Variants in R3HDM1 observed in about 807,000 individuals in gnomAD.
R3HDM1 encodes the protein R3H domain-containing protein 1.
Under a neutral mutation model 141.1 loss-of-function variants are expected in R3HDM1, and 46 were observed. That is an observed-to-expected ratio of 0.33 (90% CI 0.26 to 0.42). The LOEUF is 0.42. Ranked by LOEUF, R3HDM1 falls within the 10% of genes least tolerant of loss-of-function variation. The probability of loss-of-function intolerance (pLI) is 1.00; values close to 1 mark genes in which losing one functional copy is unlikely to be tolerated. For synonymous variants in R3HDM1, 435 were observed against 472.9 expected (o/e 0.92, Z 1.04); for missense variants, 1,184 against 1,368.3 (o/e 0.87, Z 2.12).
chr2:135,552,963 C>A (rs1700096228), intron 1 of R3HDM1, among the ~76,000 whole-genome samples: 1 of 152,048 alleles, frequency 6.6e-6, no homozygotes, highest in Admixed American at 6.5e-5. Context: ...ACTGCAGCCT[C>A]ACCCTCTTGG....
chr2:135,580,663 C>T (rs1706607079), intron 1 of R3HDM1, among the ~76,000 whole-genome samples: 1 of 152,202 alleles, frequency 6.6e-6, no homozygotes, highest in South Asian at 2.1e-4. Flanking sequence ...AGCTCTTAAA[C>T]TTCACTCACA....
At chr2:135,650,637 T>C (rs771261016) in intron 17 of R3HDM1, 15 of 982,506 alleles carry the variant, frequency 1.5e-5, no homozygotes, top group Non-Finnish European at 1.8e-5. Context: ...AGTTCATAGG[T>C]ACATTTTTTT....
intron 15 of R3HDM1, among the ~76,000 whole-genome samples, chr2:135,643,042 C>G (rs2063971466): frequency 6.6e-6 from 1 of 152,030 alleles, no homozygotes; most frequent in Non-Finnish European, 1.5e-5. Context: ...ATGAAAGATT[C>G]ATTTGCTTAG....
intron 1 of R3HDM1, among the ~76,000 whole-genome samples, chr2:135,549,510 G>A (rs544756345): frequency 2.7e-4 from 38 of 139,584 alleles, no homozygotes; most frequent in Non-Finnish European, 4.5e-4. Flanking sequence ...GCAGTAAGCC[G>A]ACATTGCGCC....
In R3HDM1 at chr2:135,569,596, T is replaced by C. The variant is rs185699980; in HGVS notation, c.-249-32904T>C. On this transcript the variant is annotated intron_variant, in intron 1 of 26. Transcript: ENST00000683871. ...GATACTAGACTCTACCGCTCACTGGTTGTGTGACCTTAAACAAGTTAGTTA... is the reference window on the plus strand; with the variant it reads ...GATACTAGACTCTACCGCTCACTGGCTGTGTGACCTTAAACAAGTTAGTTA... Among the ~76,000 whole-genome samples the C allele has an allele frequency of 2.6e-5, 4 of 152,292 alleles. No homozygotes were observed. The East Asian group carries it at 7.7e-4, about 29-fold the overall frequency.
intron 1 of R3HDM1, among the ~76,000 whole-genome samples, chr2:135,557,064 T>C (rs1041075540): frequency 6.6e-6 from 1 of 152,176 alleles, no homozygotes; most frequent in East Asian, 1.9e-4. Context: ...GAGCATAAGA[T>C]GAAGACTGAA....
At position 135,641,713 on chromosome 2, in the gene R3HDM1, C is replaced by T; in HGVS notation, c.1397C>T (p.Pro466Leu). Reference sequence around the variant, plus strand: ...GGCCTAAATGGGCAAGTCGCATCTCCTAGCACTAGCTTCTTTTTGCTTCCC... The same window carrying T: ...GGCCTAAATGGGCAAGTCGCATCTCTTAGCACTAGCTTCTTTTTGCTTCCC... ...DGGLNGQVASPSTSFFLLPLE... is the reference protein window; with the variant it reads ...DGGLNGQVASLSTSFFLLPLE... The change falls in exon 15 of 27, where the codon CCT becomes CTT. Residue 466 changes from proline to leucine, a missense_variant. Transcript: ENST00000683871. 6.2e-7 allele frequency: 1 copy of T among 1,614,180 alleles called. No homozygotes were observed. Among genetic ancestry groups the T allele is most frequent in the African/African-American group, 1.3e-5 (1 of 75,050 alleles).
At chr2:135,675,260 C>A in intron 19 of R3HDM1, 72 bp from the exon 20 acceptor site, 1 of 1,412,228 alleles carries the variant, frequency 7.1e-7, no homozygotes. Context: ...AAAGTACTCG[C>A]TTAAATTTTT....
At chr2:135,620,764 T>A in intron 5 of R3HDM1, 1 of 486,540 alleles carries the variant, frequency 2.1e-6, no homozygotes, top group Non-Finnish European at 2.7e-6. Context: ...CTGTGTGGAT[T>A]AATTTCTAGT....
chr2:135,663,286 A>G (rs564549705), intron 19 of R3HDM1, among the ~76,000 whole-genome samples: 8 of 152,198 alleles, frequency 5.3e-5, no homozygotes, highest in Non-Finnish European at 1.2e-4. Context: ...TTATGATGAG[A>G]AGGAGGAAAC....
chr2:135,534,594 T>G (rs972393920), intron 1 of R3HDM1, among the ~76,000 whole-genome samples: 1 of 152,238 alleles, frequency 6.6e-6, no homozygotes, highest in Non-Finnish European at 1.5e-5. Flanking sequence ...ATGAAGTCTT[T>G]CTGACAGGAA....
At chr2:135,676,437 C>A (rs1004280455) in intron 20 of R3HDM1, among the ~76,000 whole-genome samples, 1 of 152,006 alleles carries the variant, frequency 6.6e-6, no homozygotes, top group Non-Finnish European at 1.5e-5. Flanking sequence ...TTTGTTTTAC[C>A]TTTATATTTA....
At chr2:135,597,448 G>A (rs972113590) in intron 1 of R3HDM1, among the ~76,000 whole-genome samples, 1 of 152,204 alleles carries the variant, frequency 6.6e-6, no homozygotes, top group Non-Finnish European at 1.5e-5. Flanking sequence ...GACTGCAAAT[G>A]TGAATTTCCA....
At chr2:135,628,326 A>G (rs1457092569) in intron 7 of R3HDM1, among the ~76,000 whole-genome samples, 2 of 152,212 alleles carry the variant, frequency 1.3e-5, no homozygotes, top group Non-Finnish European at 1.5e-5. Flanking sequence ...TGTTTTTTTA[A>G]CAAGTGCTAC....
chr2:135,531,788 G>C, intron 1 of R3HDM1, 155 bp downstream of exon 1: 1 of 985,338 alleles, frequency 1.0e-6, no homozygotes, highest in Non-Finnish European at 1.2e-6. Flanking sequence ...CGGGTCGTCG[G>C]CGCTTCAGCC....
At chr2:135,666,102 G>A (rs2067452284) in intron 19 of R3HDM1, among the ~76,000 whole-genome samples, 1 of 152,150 alleles carries the variant, frequency 6.6e-6, no homozygotes, top group African/African-American at 2.4e-5. Flanking sequence ...GTTACCAGCA[G>A]ACTATGGTAG....
intron 18 of R3HDM1, 41 bp from the exon 19 acceptor site, chr2:135,661,229 C>A (rs527287926): frequency 6.2e-7 from 1 of 1,608,782 alleles, no homozygotes; most frequent in Non-Finnish European, 8.5e-7. Flanking sequence ...ATATGTAATG[C>A]AAGTAAAATT....
chr2:135,638,822 A>G, intron 13 of R3HDM1, 33 bp downstream of exon 13: 5 of 1,613,140 alleles, frequency 3.1e-6, no homozygotes, highest in Non-Finnish European at 4.2e-6. Flanking sequence ...ACAGTATTGA[A>G]AAATTAAAGC....
chr2:135,555,740 T>G (rs1336769610), intron 1 of R3HDM1, among the ~76,000 whole-genome samples: 1 of 152,106 alleles, frequency 6.6e-6, no homozygotes, highest in African/African-American at 2.4e-5. Flanking sequence ...TACGAAGCAA[T>G]GAAGGGCCAG....
Sources: gnomAD v4.1 joint callset for allele counts (sites outside exome capture counted in the v4.1 genomes callset) on GRCh38, gnomAD v4.1.1 for gene constraint, MANE v1.5 for transcripts, NCBI Gene and HGNC (gene_info 2026-07-23, HGNC 2026-07-21) for gene names.